DOCK6: variants seen among roughly 807,000 people sequenced by gnomAD.
DOCK6 encodes the protein dedicator of cytokinesis 6.
In DOCK6, 167 loss-of-function variants were observed where a neutral mutation model predicts 230.3. The observed-to-expected ratio is 0.73, with a 90% CI of 0.64 to 0.82. DOCK6 has a LOEUF of 0.82. DOCK6 is among the 40% of genes least tolerant of loss of function. The pLI is 0.00. For synonymous variants in DOCK6, 1,148 were observed against 1,185.0 expected (o/e 0.97, Z 0.64); for missense variants, 2,598 against 2,825.8 (o/e 0.92, Z 1.83).
rs139822746 is a variant in DOCK6, at chr19:11,228,847, C to T, written c.2814+93G>A. 1,602 of 1,240,384 alleles carry T rather than the reference C, an allele frequency of 1.3e-3. 14 individuals are homozygous for T. The African/African-American group carries it at 0.021, about 16-fold the overall frequency. 76.8% of individuals were successfully genotyped at this position (1,240,384 alleles called of 1,614,324 possible). A position where few individuals can be genotyped will look rare whatever the true frequency, so the allele number is the denominator to read the frequency against. ...AAAGTGTTGGGATTACAGGTGTGAG[C>T]CACTATGCCTGGCCAGGGGGCTTCT... On this transcript the variant is annotated intron_variant, in intron 23 of 47. Coordinates refer to ENST00000294618, the MANE Select transcript of DOCK6 (RefSeq NM_020812.4).
chr19:11,227,349 G>T lies in DOCK6; in HGVS notation c.2943C>A (p.Thr981=). 1 of 1,613,872 alleles carries T rather than the reference G, an allele frequency of 6.2e-7. No individual in the cohort carries two copies. Among genetic ancestry groups the T allele is most frequent in the South Asian group, 1.1e-5 (1 of 91,082 alleles). Reference sequence around the variant, plus strand: ...CTGCATCTCTCACCTTGTGGACACGGGTGATGACCTCCAGGCCCACAGAGC... The same window carrying T: ...CTGCATCTCTCACCTTGTGGACACGTGTGATGACCTCCAGGCCCACAGAGC... ...LVGSVGLEVI[T]RVHKDVELAE... is the part of the protein sequence containing the mutation. The change falls in exon 24 of 48, where the codon ACC becomes ACA. Residue 981 remains threonine, a synonymous_variant. Transcript: ENST00000294618.
rs934162591 is a variant in DOCK6, at chr19:11,243,474, C to T, written c.1258+83G>A. On this transcript the variant is annotated intron_variant, in intron 11 of 47. Transcript: ENST00000294618. The surrounding 1 kb of genome is among the most constrained non-coding windows in gnomAD (Gnocchi z 6.3). ...CACAGTTCGGCCAGCAGAGGGCGCA[C>T]CCCCTCGCCCCGTAGCCCCGCCCCA... is the stretch of plus-strand genomic sequence containing the variant. The T allele has an allele frequency of 5.5e-5, 85 of 1,543,272 alleles. No individual in the cohort carries two copies. The highest frequency in any genetic ancestry group is 6.7e-5 in the Non-Finnish European group (77 of 1,145,272).
intron 28 of DOCK6, among the ~76,000 whole-genome samples, chr19:11,220,822 ATT>A (rs372764985): frequency 4.3e-5 from 6 of 139,772 alleles, no homozygotes; most frequent in African/African-American, 1.1e-4. Context: ...TAATATCTGA[ATT>A]TTTTTTTTTT....
intron 30 of DOCK6, chr19:11,216,260 G>A (rs926478192): frequency 4.0e-4 from 79 of 198,450 alleles, no homozygotes; most frequent in Admixed American, 2.7e-4. Context: ...GGTAATTTTT[G>A]TATTTTTCGT....
chr19:11,215,814 A>T lies in DOCK6; in HGVS notation c.4008T>A (p.Val1336=). ...TCACCCTCTTACCACGACTTCGCCGAACCATTTCTTGTCGAGCTCCGATGG... is the reference window on the plus strand; with the variant it reads ...TCACCCTCTTACCACGACTTCGCCGTACCATTTCTTGTCGAGCTCCGATGG... ...LGTIGARQEM[V]RRSRERSPFG... The change falls in exon 31 of 48, where the codon GTT becomes GTA. Residue 1336 remains valine (V), a synonymous_variant. Coordinates refer to ENST00000294618, the MANE Select transcript of DOCK6 (RefSeq NM_020812.4). 6.2e-7 allele frequency: 1 copy of T among 1,613,958 alleles called. No homozygotes were observed. The highest frequency in any genetic ancestry group is 8.5e-7 in the Non-Finnish European group (1 of 1,179,874).
Position 11,227,428 on chromosome 19 carries a change from G to C in DOCK6, c.2864C>G (p.Pro955Arg). The change falls in exon 24 of 48, where the codon CCC becomes CGC. Residue 955 changes from proline to arginine, a missense_variant. Physicochemically the swap from Pro to Arg is moderately radical, Grantham distance 103. Transcript: ENST00000294618. ...HLLLGQRLDT[P>R]RKLRFPGRFL... is the part of the protein sequence containing the mutation. ...GCGTCCGGGGAAGCGCAGCTTGCGG[G>C]GTGTGTCTAGTCGCTGGCCAAGCAG... 6.2e-7 allele frequency: 1 copy of C among 1,612,066 alleles called. No individual in the cohort carries two copies. Among genetic ancestry groups the C allele is most frequent in the Non-Finnish European group, 8.5e-7 (1 of 1,179,216 alleles).
intron 20 of DOCK6, 59 bp from the exon 21 acceptor site, chr19:11,235,818 C>G: frequency 6.6e-7 from 1 of 1,517,144 alleles, no homozygotes; most frequent in Non-Finnish European, 8.9e-7. Context: ...TCCCCGCCCA[C>G]TTTCCAAATA....
At chr19:11,249,485 T>G (rs2080084165) in intron 6 of DOCK6, among the ~76,000 whole-genome samples, 2 of 151,890 alleles carry the variant, frequency 1.3e-5, no homozygotes, top group Non-Finnish European at 2.9e-5. Context: ...CACTCCAGCC[T>G]GGGTGACAGA....
At position 11,237,678 on chromosome 19, in the gene DOCK6, C is replaced by T. The variant is rs780607493; in HGVS notation, c.1934G>A (p.Arg645Gln). Residue 645 changes from arginine (R) to glutamine (Q), a missense_variant, in exon 17 of 48, where the codon CGG becomes CAG. Arg to Gln is a conservative substitution (Grantham distance 43). Transcript: ENST00000294618. Reference protein sequence around the residue: ...FTFYHVSCQPRPGTALETPVG... With the variant: ...FTFYHVSCQPQPGTALETPVG... The stretch of plus-strand genomic sequence containing the variant: ...GGGTGTCTCCAGGGCAGTGCCCGGC[C>T]GGGGCTGGCAGCTGACATGGTAGAA... 6.3e-6 allele frequency: 10 copies of T among 1,596,612 alleles called. No individual in the cohort carries two copies. Among genetic ancestry groups the T allele is most frequent in the African/African-American group, 1.3e-5 (1 of 74,654 alleles).
chr19:11,223,120 T>A lies in DOCK6; in HGVS notation c.2956-14A>T. 6.2e-7 allele frequency: 1 copy of A among 1,609,842 alleles called. No individual in the cohort carries two copies. On this transcript the variant is annotated splice_polypyrimidine_tract_variant and intron_variant, in intron 24 of 47. Transcript: ENST00000294618. ...CAGCTCCACATCCTGGGGACACAGG[T>A]GCCTGTCAACCCACACACCCAAACC...
rs184044949 is a variant in DOCK6, at chr19:11,211,739, G to A, written c.4751+37C>T. 1,231 of 1,485,924 alleles carry A rather than the reference G, an allele frequency of 8.3e-4. 10 individuals are homozygous for A. The Admixed American group carries it at 0.015, about 18-fold the overall frequency. 92.0% of individuals were successfully genotyped at this position (1,485,924 alleles called of 1,614,324 possible). A position where few individuals can be genotyped will look rare whatever the true frequency, so the allele number is the denominator to read the frequency against. The stretch of plus-strand genomic sequence containing the variant: ...CTGTTCTCCCTGCACCTGTTGGGGC[G>A]TGGGCGTGGCTGAAGGTGCCAGCTG... On this transcript the variant is annotated intron_variant, in intron 37 of 47. Coordinates refer to ENST00000294618, the MANE Select transcript of DOCK6 (RefSeq NM_020812.4).
rs1166386638 is a variant in DOCK6, at chr19:11,204,265, C to T, written c.5155G>A (p.Asp1719Asn). ...TGCACCGCGGCCAGCTTCTTGTAGT[C>T]ACGGTGGGCTTCCAGGATGGGGATG... ...NLIPILEAHR[D>N]YKKLAAVHGK... Residue 1719 changes from aspartate (D) to asparagine (N), a missense_variant, in exon 40 of 48, where the codon GAC becomes AAC. Asp to Asn is a conservative substitution (Grantham distance 23, BLOSUM62 1). Transcript: ENST00000294618. The T allele has an allele frequency of 1.9e-6, 3 of 1,602,066 alleles. No homozygotes were observed. The highest frequency in any genetic ancestry group is 4.5e-5 in the East Asian group (2 of 44,568).
Position 11,254,022 on chromosome 19 carries a change from G to A in DOCK6, c.45-296C>T, listed in dbSNP as rs191745105. The stretch of plus-strand genomic sequence containing the variant: ...CTTCCAGGTCTGGAGGGAGGCCCAC[G>A]GGTCCCTGGCCTCTGCTCCCTCATC... On this transcript the variant is annotated intron_variant, in intron 1 of 47. Coordinates refer to ENST00000294618, the MANE Select transcript of DOCK6 (RefSeq NM_020812.4). The A allele has an allele frequency of 2.9e-4, 92 of 314,410 alleles. 2 individuals carry two copies. The highest frequency in any genetic ancestry group is 2.0e-3 in the South Asian group (32 of 15,750). 19.5% of individuals were successfully genotyped at this position (314,410 alleles called of 1,614,324 possible). A position where few individuals can be genotyped will look rare whatever the true frequency, so the allele number is the denominator to read the frequency against.
At position 11,252,785 on chromosome 19, in the gene DOCK6, A is replaced by G; in HGVS notation, c.306T>C (p.Asp102=). Reference sequence around the variant, plus strand: ...AGAGGGCGTGGGGCTGAACCCACTCATCCTTGGGGATCCCGGGCTCCGTGG... The same window carrying G: ...AGAGGGCGTGGGGCTGAACCCACTCGTCCTTGGGGATCCCGGGCTCCGTGG... ...CRTTEPGIPK[D]EKLDAQVRAA... is the part of the protein sequence containing the mutation. The change falls in exon 3 of 48, where the codon GAT becomes GAC. Residue 102 remains aspartate (D), a splice_region_variant and synonymous_variant. Coordinates refer to ENST00000294618, the MANE Select transcript of DOCK6 (RefSeq NM_020812.4). 4 of 1,608,938 alleles carry G rather than the reference A, an allele frequency of 2.5e-6. No individual in the cohort carries two copies. Among genetic ancestry groups the G allele is most frequent in the Non-Finnish European group, 3.4e-6 (4 of 1,176,736 alleles).
chr19:11,237,278 TG>T, intron 18 of DOCK6, 177 bp downstream of exon 18: 1 of 671,360 alleles, frequency 1.5e-6, no homozygotes, highest in South Asian at 1.8e-5. Context: ...TGGGAATCTT[TG>T]GGGAGGACAT....
At chr19:11,261,701 C>T (rs1195500921) in intron 1 of DOCK6, among the ~76,000 whole-genome samples, 1 of 152,142 alleles carries the variant, frequency 6.6e-6, no homozygotes, top group East Asian at 1.9e-4. Context: ...GGGCCTGTCC[C>T]CTCCCCCGTC....
intron 28 of DOCK6, among the ~76,000 whole-genome samples, chr19:11,218,238 C>G (rs926316481): frequency 2.6e-5 from 4 of 152,088 alleles, no homozygotes; most frequent in African/African-American, 7.2e-5. Flanking sequence ...CCTCTGCCTC[C>G]CGGGTTCAAG....
chr19:11,213,974 G>T (rs1242325658), intron 34 of DOCK6, among the ~76,000 whole-genome samples: 1 of 151,834 alleles, frequency 6.6e-6, no homozygotes, highest in African/African-American at 2.4e-5. Context: ...GTAGAAATGG[G>T]GTCTCACCGT....
intron 28 of DOCK6, 104 bp downstream of exon 28, chr19:11,221,747 T>C: frequency 6.4e-7 from 1 of 1,553,476 alleles, no homozygotes; most frequent in South Asian, 1.1e-5. Flanking sequence ...AATCCTAATG[T>C]CTATACTCAT....
Sources: gnomAD v4.1 joint callset for allele counts (sites outside exome capture counted in the v4.1 genomes callset) on GRCh38, gnomAD v4.1.1 for gene constraint, Gnocchi (gnomAD v3.1) non-coding constraint, MANE v1.5 for transcripts, NCBI Gene and HGNC (gene_info 2026-07-23, HGNC 2026-07-21) for gene names.